Variants in KLHL33 observed in about 807,000 individuals in gnomAD.
KLHL33 encodes the protein kelch like family member 33, also known as kelch-like protein 33.
A neutral mutation model predicts 60.8 loss-of-function variants in KLHL33; 46 were observed. That is an observed-to-expected ratio of 0.76 (90% CI 0.60 to 0.97). The LOEUF is 0.97. Ranked by LOEUF, KLHL33 falls within the 50% of genes least tolerant of loss-of-function variation. The probability of loss-of-function intolerance (pLI) is 0.00; values close to 1 mark genes in which losing one functional copy is unlikely to be tolerated. For synonymous variants in KLHL33, 434 were observed against 432.2 expected, an observed-to-expected ratio of 1.00 and a Z score of -0.05; for missense variants, 1,055 against 1,000.0, an observed-to-expected ratio of 1.05 and a Z score of -0.74.
rs886478493 is a variant in KLHL33 at position 20,432,061 on chromosome 14, A to C, written c.749-1342T>G. 2.3e-4 allele frequency among the ~76,000 whole-genome samples: 35 copies of C among 152,320 alleles called. 2 individuals carry two copies. Among genetic ancestry groups the C allele is most frequent in the East Asian group, 2.1e-3 (11 of 5,182 alleles). On this transcript the variant is annotated intron_variant, in intron 2 of 4. Transcript: ENST00000636854. Reference sequence around the variant, plus strand: ...TAGGAAGTTGAAAGGCTAAAGGAACAATTTAGAGGGGAAAAACCACACAAA... The same window carrying C: ...TAGGAAGTTGAAAGGCTAAAGGAACCATTTAGAGGGGAAAAACCACACAAA...
In KLHL33 at chr14:20,426,063, A is replaced by G. The variant is rs1308084299; in HGVS notation, c.*2786T>C. On this transcript the variant is annotated 3_prime_UTR_variant, in exon 5 of 5. Coordinates refer to ENST00000636854, the MANE Select transcript of KLHL33 (RefSeq NM_001365790.2). ...ATCTTAAATAGAGATACAGAAAAAG[A>G]TCTTACTAAAATAACGAAATCTAAA... is the stretch of plus-strand genomic sequence containing the variant. The G allele has an allele frequency of 6.6e-6, 1 of 152,200 alleles. No individual in the cohort carries two copies. The highest frequency in any genetic ancestry group is 1.5e-5 in the Non-Finnish European group (1 of 68,032). 9.4% of individuals were successfully genotyped at this position (152,200 alleles called of 1,614,324 possible).
chr14:20,426,559 T>G lies in KLHL33; in HGVS notation c.*2290A>C, dbSNP rs561063142. 6.9e-6 allele frequency: 1 copy of G among 143,970 alleles called. No homozygotes were observed. The highest frequency in any genetic ancestry group is 1.5e-5 in the Non-Finnish European group (1 of 65,452). 8.9% of individuals were successfully genotyped at this position (143,970 alleles called of 1,614,324 possible). Reference sequence around the variant, plus strand: ...AGGTGCTGGAGAGGATGTGGAGAAATAGGAACACTTTTACACTGTTGGTGG... The same window carrying G: ...AGGTGCTGGAGAGGATGTGGAGAAAGAGGAACACTTTTACACTGTTGGTGG... On this transcript the variant is annotated 3_prime_UTR_variant, in exon 5 of 5. Transcript: ENST00000636854.
chr14:20,427,090 G>A lies in KLHL33; in HGVS notation c.*1759C>T, dbSNP rs1044751044. On this transcript the variant is annotated 3_prime_UTR_variant, in exon 5 of 5. Transcript: ENST00000636854. ...GGAGATATACCTAATGCTAAATGAC[G>A]AGTTAATGGGTGCAGCACACCAGCA... 1.5e-4 allele frequency: 22 copies of A among 148,978 alleles called. No individual in the cohort carries two copies. The highest frequency in any genetic ancestry group is 5.2e-4 in the African/African-American group (21 of 40,388). 9.2% of individuals were successfully genotyped at this position (148,978 alleles called of 1,614,324 possible). A position where few individuals can be genotyped will look rare whatever the true frequency, so the allele number is the denominator to read the frequency against.
In KLHL33 at chr14:20,435,633, AG is replaced by A; in HGVS notation, c.178del (p.Leu60TrpfsTer13). ...FPLEEPGSRP[L>X]VPRNLPFPAL... Reference sequence around the variant, plus strand: ...TGGAAAGGGAAGGTTCCTTGGGACCAGGGGCCTGGAACCAGGCTCCTCCAGA... The same window carrying A: ...TGGAAAGGGAAGGTTCCTTGGGACCAGGGCCTGGAACCAGGCTCCTCCAGA... On this transcript the variant is annotated frameshift_variant, in exon 2 of 5. Coordinates refer to ENST00000636854, the MANE Select transcript of KLHL33 (RefSeq NM_001365790.2). LOFTEE classifies it high-confidence loss of function. 7 of 1,234,594 alleles carry A rather than the reference AG, an allele frequency of 5.7e-6. No individual in the cohort carries two copies. Among genetic ancestry groups the A allele is most frequent in the Non-Finnish European group, 7.1e-6 (7 of 988,288 alleles). The allele number at this position is 1,234,594 out of a possible 1,614,324, so 76.5% of individuals were successfully genotyped here.
At chr14:20,434,781 G>A (rs1880629066) in intron 2 of KLHL33, among the ~76,000 whole-genome samples, 1 of 152,124 alleles carries the variant, frequency 6.6e-6, no homozygotes, top group African/African-American at 2.4e-5. Flanking sequence ...GCCATGGATT[G>A]TACCCTTAGC....
At position 20,429,517 on chromosome 14, in the gene KLHL33, T is replaced by TTG; in HGVS notation, c.1825_1826insCA (p.Glu609AlafsTer30). On this transcript the variant is annotated frameshift_variant, in exon 4 of 5. Coordinates refer to ENST00000636854, the MANE Select transcript of KLHL33 (RefSeq NM_001365790.2). LOFTEE classifies it high-confidence loss of function. ...GCCTGCTTACCTCCAGACATTGAGC[T>TTG]CAGGGTTGTAGGTCTCCACAGAGTC... 1 of 1,551,924 alleles carries TTG rather than the reference T, an allele frequency of 6.4e-7. No individual in the cohort carries two copies. Among genetic ancestry groups the TTG allele is most frequent in the Non-Finnish European group, 8.7e-7 (1 of 1,147,046 alleles).
rs1269569322 is a variant in KLHL33 at position 20,434,543 on chromosome 14, A to G, written c.748+521T>C. ...GCAACAGAGTGAGATGCTGTCTCAG[A>G]AAAAAAAAAAAAAAGTGCCACGGCC... On this transcript the variant is annotated intron_variant, in intron 2 of 4. Transcript: ENST00000636854. 1.7e-4 allele frequency among the ~76,000 whole-genome samples: 4 copies of G among 23,512 alleles called. No homozygotes were observed. In the East Asian group the frequency reaches 4.6e-3, roughly 27 times the overall value. 15.4% of individuals were successfully genotyped at this position (23,512 alleles called of 152,430 possible).
At position 20,429,839 on chromosome 14, in the gene KLHL33, T is replaced by C. The variant is rs762959440; in HGVS notation, c.1629A>G (p.Gly543=). Residue 543 remains glycine (G), a synonymous_variant, in exon 3 of 5, where the codon GGA becomes GGG. Coordinates refer to ENST00000636854, the MANE Select transcript of KLHL33 (RefSeq NM_001365790.2). The part of the protein sequence containing the change: ...LAGSELYVCG[G]QDFYSHSNTL... ...TGTTGGAGTGACTGTAGAAATCTTG[T>C]CCCCCACACACATAGAGTTCACTTC... The C allele has an allele frequency of 6.5e-7, 1 of 1,549,328 alleles. No individual in the cohort carries two copies. Among genetic ancestry groups the C allele is most frequent in the South Asian group, 1.2e-5 (1 of 83,762 alleles).
At position 20,430,119 on chromosome 14, in the gene KLHL33, G is replaced by A. The variant is rs1435215927; in HGVS notation, c.1349C>T (p.Pro450Leu). ...TACCATCAGCTGGTGCAACAGATCT[G>A]GGGTCAGGGGTGGAAGTAGCCCGGC... Reference protein sequence around the residue: ...RAAGLLPPLTPDLLHQLMVEA... With the variant: ...RAAGLLPPLTLDLLHQLMVEA... Residue 450 changes from proline to leucine, a missense_variant, in exon 3 of 5, where the codon CCA (proline) becomes CTA (leucine). Physicochemically the swap from Pro to Leu is moderately conservative, Grantham distance 98 (BLOSUM62 -3). Coordinates refer to ENST00000636854, the MANE Select transcript of KLHL33 (RefSeq NM_001365790.2). 4 of 1,551,658 alleles carry A rather than the reference G, an allele frequency of 2.6e-6. No individual in the cohort carries two copies. The highest frequency in any genetic ancestry group is 4.9e-5 in the East Asian group (2 of 40,924).
In KLHL33 at chr14:20,430,456, G is replaced by A. The variant is rs898147740; in HGVS notation, c.1012C>T (p.Arg338Cys). ...GCCATGGGGAACAGGGCCAGGCAAC[G>A]GGCAGGGCTGAGGCCCCGTGCCAAG... Reference protein sequence around the residue: ...KGLARGLSPARCLALFPMAEA... With the variant: ...KGLARGLSPACCLALFPMAEA... Residue 338 changes from arginine to cysteine, a missense_variant, in exon 3 of 5, where the codon CGT becomes TGT. Physicochemically the swap from Arg to Cys is radical, Grantham distance 180. Coordinates refer to ENST00000636854, the MANE Select transcript of KLHL33 (RefSeq NM_001365790.2). 8.4e-6 allele frequency: 13 copies of A among 1,551,534 alleles called. No homozygotes were observed. The East Asian group carries it at 9.8e-5, about 12-fold the overall frequency.
In KLHL33 at chr14:20,426,561, G is replaced by A. The variant is rs1396628641; in HGVS notation, c.*2288C>T. On this transcript the variant is annotated 3_prime_UTR_variant, in exon 5 of 5. Coordinates refer to ENST00000636854, the MANE Select transcript of KLHL33 (RefSeq NM_001365790.2). The stretch of plus-strand genomic sequence containing the variant: ...GTGCTGGAGAGGATGTGGAGAAATA[G>A]GAACACTTTTACACTGTTGGTGGGA... The A allele has an allele frequency of 6.6e-6, 1 of 151,426 alleles. No individual in the cohort carries two copies. The highest frequency in any genetic ancestry group is 1.5e-5 in the Non-Finnish European group (1 of 67,914). The allele number at this position is 151,426 out of a possible 1,614,324, so 9.4% of individuals were successfully genotyped here.
In KLHL33 at chr14:20,429,511, T is replaced by G. The variant is rs370206398; in HGVS notation, c.1832A>C (p.Asn611Thr). Residue 611 changes from asparagine to threonine, a missense_variant, in exon 4 of 5, where the codon AAT becomes ACT. Coordinates refer to ENST00000636854, the MANE Select transcript of KLHL33 (RefSeq NM_001365790.2). Reference protein sequence around the residue: ...DSVETYNPELNVWRPAPALPA... With the variant: ...DSVETYNPELTVWRPAPALPA... The stretch of plus-strand genomic sequence containing the variant: ...CCCCTTGCCTGCTTACCTCCAGACA[T>G]TGAGCTCAGGGTTGTAGGTCTCCAC... 28 of 1,552,108 alleles carry G rather than the reference T, an allele frequency of 1.8e-5. No individual in the cohort carries two copies. The highest frequency in any genetic ancestry group is 2.3e-5 in the Non-Finnish European group (26 of 1,147,104).
At position 20,426,862 on chromosome 14, in the gene KLHL33, A is replaced by G. The variant is rs553170374; in HGVS notation, c.*1987T>C. On this transcript the variant is annotated 3_prime_UTR_variant, in exon 5 of 5. Coordinates refer to ENST00000636854, the MANE Select transcript of KLHL33 (RefSeq NM_001365790.2). ...GAATACTATGCAGCCATAAAAAATGATGAGTTCATGTCCTTTGTAGGGACA... is the reference window on the plus strand; with the variant it reads ...GAATACTATGCAGCCATAAAAAATGGTGAGTTCATGTCCTTTGTAGGGACA... 2.6e-5 allele frequency: 4 copies of G among 152,184 alleles called. No individual in the cohort carries two copies. The highest frequency in any genetic ancestry group is 4.4e-5 in the Non-Finnish European group (3 of 68,014). 9.4% of individuals were successfully genotyped at this position (152,184 alleles called of 1,614,324 possible).
intron 2 of KLHL33, among the ~76,000 whole-genome samples, chr14:20,432,942 GAAA>G: frequency 6.7e-6 from 1 of 148,420 alleles, no homozygotes; most frequent in Non-Finnish European, 1.5e-5. Context: ...AAGAAAGAAA[GAAA>G]GAAAGAAAGA....
At chr14:20,432,901 G>A (rs1040125195) in intron 2 of KLHL33, among the ~76,000 whole-genome samples, 1 of 109,686 alleles carries the variant, frequency 9.1e-6, no homozygotes, top group Non-Finnish European at 1.9e-5. Context: ...CAGCCTGGGT[G>A]ACAGAACAAG....
rs1440086764 is a variant in KLHL33, at chr14:20,429,669, C to T, written c.1674G>A (p.Arg558=). 3.9e-6 allele frequency: 6 copies of T among 1,551,192 alleles called. No individual in the cohort carries two copies. In the East Asian group the frequency reaches 1.5e-4, roughly 38 times the overall value. The change falls in exon 4 of 5, where the codon AGG becomes AGA. Residue 558 remains arginine, a splice_region_variant and synonymous_variant. Transcript: ENST00000636854. The stretch of plus-strand genomic sequence containing the variant: ...CCCAGTCCTCTTGACTGGGCTCCCA[C>T]CTGGACACAGTAGGACAAGAGATTG... ...SHSNTLASTL[R]WEPSQEDWEE...
chr14:20,431,920 C>T (rs12590037), intron 2 of KLHL33, among the ~76,000 whole-genome samples: 1 of 152,142 alleles, frequency 6.6e-6, no homozygotes, highest in Non-Finnish European at 1.5e-5. Context: ...TGAAACTGTC[C>T]TATTAACCTA....
rs1269295364 is a variant in KLHL33, at chr14:20,429,820, A to G, written c.1648T>C (p.Ser550Pro). The G allele has an allele frequency of 6.5e-6, 10 of 1,544,836 alleles. No homozygotes were observed. The highest frequency in any genetic ancestry group is 8.7e-6 in the Non-Finnish European group (10 of 1,143,104). ...CTGAGAGTTGAAGCCAGGGTGTTGG[A>G]GTGACTGTAGAAATCTTGTCCCCCA... ...VCGGQDFYSH[S>P]NTLASTLRWE... Residue 550 changes from serine to proline, a missense_variant, in exon 3 of 5, where the codon TCC becomes CCC. Ser to Pro is a moderately conservative substitution (Grantham distance 74). Coordinates refer to ENST00000636854, the MANE Select transcript of KLHL33 (RefSeq NM_001365790.2).
rs1032144364 is a variant in KLHL33, at chr14:20,428,600, G to T, written c.*249C>A. ...TCCCTAAGAATCCCTAAGCCTTGTG[G>T]AGTTGCTCCCGAGTCTCCTTTCCTC... On this transcript the variant is annotated 3_prime_UTR_variant, in exon 5 of 5. Transcript: ENST00000636854. The T allele has an allele frequency of 4.2e-6, 2 of 481,286 alleles. No individual in the cohort carries two copies. The highest frequency in any genetic ancestry group is 7.3e-5 in the Admixed American group (2 of 27,534). 29.8% of individuals were successfully genotyped at this position (481,286 alleles called of 1,614,324 possible).
Sources: allele counts gnomAD v4.1 joint callset (sites outside exome capture counted in the v4.1 genomes callset), GRCh38; gene constraint gnomAD v4.1.1; transcripts MANE v1.5; gene names NCBI Gene and HGNC (gene_info 2026-07-23, HGNC 2026-07-21).